ANKS1B: variants seen among roughly 807,000 people sequenced by gnomAD.
ANKS1B encodes the protein ankyrin repeat and sterile alpha motif domain-containing protein 1B.
Under a neutral mutation model 148.3 loss-of-function variants are expected in ANKS1B, and 36 were observed. The observed-to-expected ratio is 0.24, with a 90% CI of 0.19 to 0.32. ANKS1B has a LOEUF of 0.32. Among genes scored for constraint, ANKS1B ranks in the 10% least tolerant of loss-of-function variants. ANKS1B has a pLI of 1.00. For missense variants in ANKS1B, 1,157 were observed against 1,542.6 expected, an observed-to-expected ratio of 0.75 and a Z score of 4.19; for synonymous variants, 542 against 560.8, an observed-to-expected ratio of 0.97 and a Z score of 0.47.
At chr12:99,856,296 T>A (rs919097214) in intron 1 of ANKS1B, among the ~76,000 whole-genome samples, 1 of 152,038 alleles carries the variant, frequency 6.6e-6, no homozygotes, top group Non-Finnish European at 1.5e-5. Flanking sequence ...TTTATGCACA[T>A]AACATAGAAA....
At chr12:99,251,237 G>A (rs2074545308) in intron 12 of ANKS1B, among the ~76,000 whole-genome samples, 1 of 152,022 alleles carries the variant, frequency 6.6e-6, no homozygotes, top group Admixed American at 6.6e-5. Flanking sequence ...AGAACACTAA[G>A]AATATGTTTC....
chr12:99,533,156 T>G (rs373350306), intron 9 of ANKS1B, among the ~76,000 whole-genome samples: 3 of 152,226 alleles, frequency 2.0e-5, no homozygotes, highest in African/African-American at 7.2e-5. Context: ...TTCCAATCCA[T>G]AAGAATAGGA....
chr12:99,473,956 T>C (rs1321988214), intron 10 of ANKS1B, among the ~76,000 whole-genome samples: 1 of 152,110 alleles, frequency 6.6e-6, no homozygotes. Flanking sequence ...AAGAAATCCT[T>C]CCCTAAACTA....
chr12:99,032,258 T>C lies in ANKS1B; in HGVS notation c.2778+20899A>G, dbSNP rs540863307. Among the ~76,000 whole-genome samples the C allele has an allele frequency of 7.9e-5, 12 of 152,356 alleles. No homozygotes were observed. The East Asian group carries it at 2.3e-3, about 29-fold the overall frequency. Reference sequence around the variant, plus strand: ...AGCTTCTGTTACAAGAATATTATTGTACTAGTTTCCTAAGGTTGTTGTATA... The same window carrying C: ...AGCTTCTGTTACAAGAATATTATTGCACTAGTTTCCTAAGGTTGTTGTATA... On this transcript the variant is annotated intron_variant, in intron 17 of 26. Coordinates refer to ENST00000683438, the MANE Select transcript of ANKS1B (RefSeq NM_001352186.2).
At chr12:99,448,592 GTATGTGAGGTAA>G (rs1384066217) in intron 10 of ANKS1B, among the ~76,000 whole-genome samples, 1 of 152,026 alleles carries the variant, frequency 6.6e-6, no homozygotes, top group Non-Finnish European at 1.5e-5. Flanking sequence ...AAAATGCTAA[GTATGTGAGGTAA>G]TACATATGCT....
chr12:99,516,438 C>T lies in ANKS1B; in HGVS notation c.1273-11797G>A, dbSNP rs116225205. Among the ~76,000 whole-genome samples, 1,212 of 152,030 alleles carry T rather than the reference C, an allele frequency of 8.0e-3. 12 individuals carry two copies. The highest frequency in any genetic ancestry group is 0.027 in the African/African-American group (1,112 of 41,446). Reference sequence around the variant, plus strand: ...AAAGGAACAAGATCATGTCCTTTGCCGGGACATAGATGAAGCTGGAAGCCA... The same window carrying T: ...AAAGGAACAAGATCATGTCCTTTGCTGGGACATAGATGAAGCTGGAAGCCA... On this transcript the variant is annotated intron_variant, in intron 9 of 26. Transcript: ENST00000683438.
At chr12:99,355,387 T>G (rs2091877473) in intron 12 of ANKS1B, among the ~76,000 whole-genome samples, 1 of 152,184 alleles carries the variant, frequency 6.6e-6, no homozygotes. Flanking sequence ...TCTTATTCAT[T>G]GTTTTCCTGC....
At chr12:99,526,450 T>G (rs990705052) in intron 9 of ANKS1B, among the ~76,000 whole-genome samples, 1 of 152,178 alleles carries the variant, frequency 6.6e-6, no homozygotes, top group Admixed American at 6.6e-5. Flanking sequence ...AAATGCTAAA[T>G]GCTGGATATG....
At chr12:99,855,398 C>G (rs1437095931) in intron 1 of ANKS1B, among the ~76,000 whole-genome samples, 1 of 151,976 alleles carries the variant, frequency 6.6e-6, no homozygotes, top group Non-Finnish European at 1.5e-5. Context: ...CACTGGAGAT[C>G]CCAAATTTAT....
At chr12:99,121,360 T>TGTGTGTGTGTGTGTGTGTGTGTGTGTGTG (rs1600446025) in intron 15 of ANKS1B, among the ~76,000 whole-genome samples, 1 of 150,930 alleles carries the variant, frequency 6.6e-6, no homozygotes, top group Non-Finnish European at 1.5e-5. Context: ...TGTGTGTGTA[T>TGTGTGTGTGTGTGTGTGTGTGTGTGTGTG]TTTCCCCCCA....
chr12:99,495,837 T>C (rs529016169), intron 10 of ANKS1B, among the ~76,000 whole-genome samples: 2 of 152,324 alleles, frequency 1.3e-5, no homozygotes, highest in East Asian at 1.9e-4. Flanking sequence ...ATTTTGGCAA[T>C]AGAATTAAGG....
chr12:99,809,242 C>T (rs1251443341), intron 3 of ANKS1B, among the ~76,000 whole-genome samples: 3 of 151,874 alleles, frequency 2.0e-5, no homozygotes, highest in Non-Finnish European at 2.9e-5. Context: ...ACAAAACTGG[C>T]TAACAAAAGC....
chr12:98,993,472 A>G (rs1194942896), intron 17 of ANKS1B, among the ~76,000 whole-genome samples: 2 of 152,062 alleles, frequency 1.3e-5, no homozygotes, highest in Non-Finnish European at 2.9e-5. Context: ...CCCAGCCTGT[A>G]GTTGGTTCTT....
chr12:99,124,293 T>C (rs1691013741), intron 15 of ANKS1B, among the ~76,000 whole-genome samples: 1 of 152,152 alleles, frequency 6.6e-6, no homozygotes, highest in African/African-American at 2.4e-5. Context: ...TTAGAGGTAG[T>C]GCCAGTGGGA....
At chr12:99,574,030 C>A (rs1323482267) in intron 9 of ANKS1B, among the ~76,000 whole-genome samples, 1 of 152,046 alleles carries the variant, frequency 6.6e-6, no homozygotes, top group Non-Finnish European at 1.5e-5. Flanking sequence ...AGAAGTGTTG[C>A]CTACAGAGGT....
intron 17 of ANKS1B, among the ~76,000 whole-genome samples, chr12:98,867,900 G>C (rs1303272882): frequency 6.6e-6 from 1 of 151,950 alleles, no homozygotes; most frequent in Non-Finnish European, 1.5e-5. Context: ...TTTCTTTCTG[G>C]ATACTACTTC....
At position 98,745,829 on chromosome 12, in the gene ANKS1B, T is replaced by G; in HGVS notation, c.3768A>C (p.Gln1256His). The change falls in exon 27 of 27, where the codon CAA becomes CAC. Residue 1256 changes from glutamine (Q) to histidine (H), a missense_variant. Around this residue, in one of 6 missense-constraint regions of ANKS1B, gnomAD observed 46 missense variants for 62.0 expected, o/e 0.74. Transcript: ENST00000683438. The stretch of plus-strand genomic sequence containing the variant: ...TCCACGGTAGATTGGCCAGAGTCTT[T>G]TGCTCAGATGGGTCGATCTGCTTTA... The part of the protein sequence containing the change: ...RKSVQIDPSE[Q>H]KTLANLPWIV... 2 of 1,613,514 alleles carry G rather than the reference T, an allele frequency of 1.2e-6. No homozygotes were observed. Among genetic ancestry groups the G allele is most frequent in the Non-Finnish European group, 1.7e-6 (2 of 1,179,662 alleles).
intron 14 of ANKS1B, among the ~76,000 whole-genome samples, chr12:99,168,681 A>C (rs1198530760): frequency 6.6e-6 from 1 of 152,236 alleles, no homozygotes; most frequent in Non-Finnish European, 1.5e-5. Context: ...AAGCCATTCC[A>C]GCATCTAGGT....
intron 4 of ANKS1B, among the ~76,000 whole-genome samples, chr12:99,786,349 A>G (rs1438356816): frequency 1.3e-5 from 2 of 152,192 alleles, no homozygotes; most frequent in Non-Finnish European, 2.9e-5. Context: ...AACCAATGCT[A>G]GACTAGTGCC....
Sources: gnomAD v4.1 joint callset for allele counts (sites outside exome capture counted in the v4.1 genomes callset) on GRCh38, gnomAD v4.1.1 for gene constraint, gnomAD v4.1.1 regional missense constraint, MANE v1.5 for transcripts, NCBI Gene and HGNC (gene_info 2026-07-23, HGNC 2026-07-21) for gene names.